The following BICRAL variants were observed in gnomAD, a reference collection of about 807,000 sequenced individuals.
The protein encoded by BICRAL is BICRA like chromatin remodeling complex associated protein.
A neutral mutation model predicts 91.8 loss-of-function variants in BICRAL; 8 were observed. That is an observed-to-expected ratio of 0.09 (90% CI 0.05 to 0.16). BICRAL has a LOEUF of 0.16. Among genes scored for constraint, BICRAL ranks in the 10% least tolerant of loss-of-function variants. The probability of loss-of-function intolerance (pLI) is 1.00; values close to 1 mark genes in which losing one functional copy is unlikely to be tolerated. For missense variants in BICRAL, 1,038 were observed against 1,310.9 expected (o/e 0.79, Z 3.21); for synonymous variants, 445 against 491.1 (o/e 0.91, Z 1.24).
At chr6:42,800,075 G>GT (rs1449590142) in intron 1 of BICRAL, among the ~76,000 whole-genome samples, 1 of 151,364 alleles carries the variant, frequency 6.6e-6, no homozygotes, top group South Asian at 2.1e-4. Context: ...GTTTTGTTTT[G>GT]TTTTTTTAAA....
chr6:42,789,483 T>C (rs1763203894), intron 1 of BICRAL, among the ~76,000 whole-genome samples: 1 of 151,686 alleles, frequency 6.6e-6, no homozygotes, highest in Admixed American at 6.6e-5. Flanking sequence ...CTACTAAAAA[T>C]ACAAAGAAAA....
intron 1 of BICRAL, among the ~76,000 whole-genome samples, chr6:42,784,810 A>G (rs1763054178): frequency 6.6e-6 from 1 of 152,158 alleles, no homozygotes; most frequent in Admixed American, 6.6e-5. Flanking sequence ...GCTAGGGCCA[A>G]CTGGGTCTTT....
intron 1 of BICRAL, among the ~76,000 whole-genome samples, chr6:42,786,639 T>C (rs1393717231): frequency 6.6e-6 from 1 of 152,124 alleles, no homozygotes; most frequent in Non-Finnish European, 1.5e-5. Context: ...AGAAAAAATA[T>C]TAAGTGGCTG....
intron 6 of BICRAL, among the ~76,000 whole-genome samples, chr6:42,831,986 G>A (rs1764497839): frequency 6.6e-6 from 1 of 151,624 alleles, no homozygotes; most frequent in African/African-American, 2.4e-5. Context: ...TGATCTGCCC[G>A]CCTCGACCTC....
Position 42,865,620 on chromosome 6 carries a change from C to T in BICRAL, c.*174C>T. 1.7e-6 allele frequency: 1 copy of T among 585,596 alleles called. No homozygotes were observed. The highest frequency in any genetic ancestry group is 2.2e-5 in the South Asian group (1 of 44,676). 36.3% of individuals were successfully genotyped at this position (585,596 alleles called of 1,614,324 possible). On this transcript the variant is annotated 3_prime_UTR_variant, in exon 13 of 13. Coordinates refer to ENST00000314073, the MANE Select transcript of BICRAL (RefSeq NM_001393499.1). ...CTCAATCCTGTTCTTTGTTTAAGAG[C>T]AATACTTGTCGTGATTACAGGGAGA...
chr6:42,835,604 T>A (rs1764615099), intron 6 of BICRAL, among the ~76,000 whole-genome samples: 1 of 152,176 alleles, frequency 6.6e-6, no homozygotes, highest in African/African-American at 2.4e-5. Context: ...GTTCTGTGTT[T>A]AGCCTAAGTG....
At chr6:42,783,378 G>C (rs1037243937) in intron 1 of BICRAL, among the ~76,000 whole-genome samples, 1 of 152,180 alleles carries the variant, frequency 6.6e-6, no homozygotes, top group Non-Finnish European at 1.5e-5. Flanking sequence ...GTGCGCGCGG[G>C]CGTTATGCTG....
chr6:42,766,835 TC>T (rs1436744003), intron 1 of BICRAL, among the ~76,000 whole-genome samples: 1 of 152,038 alleles, frequency 6.6e-6, no homozygotes, highest in Non-Finnish European at 1.5e-5. Context: ...GGTCAGGAGA[TC>T]GAGACCATCC....
At chr6:42,857,608 A>ATAT (rs1562497913) in intron 10 of BICRAL, among the ~76,000 whole-genome samples, 3 of 108,386 alleles carry the variant, frequency 2.8e-5, no homozygotes, top group African/African-American at 1.9e-4. Context: ...CTTAAAAAAA[A>ATAT]AAAAAAATAT....
intron 5 of BICRAL, among the ~76,000 whole-genome samples, chr6:42,825,259 C>CA (rs398001338): frequency 0.084 from 4,398 of 52,462 alleles, 289 homozygotes; most frequent in East Asian, 0.24. Context: ...GACTCTGTCT[C>CA]AAAAAAAAAA....
chr6:42,824,450 T>G (rs1407522997), intron 5 of BICRAL, among the ~76,000 whole-genome samples: 1 of 152,088 alleles, frequency 6.6e-6, no homozygotes, highest in African/African-American at 2.4e-5. Flanking sequence ...GTTCAAGCAA[T>G]TCTCCTGCCT....
Position 42,868,463 on chromosome 6 carries a change from C to G in BICRAL, c.*3017C>G, listed in dbSNP as rs1222971647. ...ATAAATACTGTTAAAAGAAACCAGT[C>G]AGTAACTATATTGTTAATCCATGGT... On this transcript the variant is annotated 3_prime_UTR_variant, in exon 13 of 13. Coordinates refer to ENST00000314073, the MANE Select transcript of BICRAL (RefSeq NM_001393499.1). 1 of 151,980 alleles carries G rather than the reference C, an allele frequency of 6.6e-6. No homozygotes were observed. Among genetic ancestry groups the G allele is most frequent in the Non-Finnish European group, 1.5e-5 (1 of 67,992 alleles). 9.4% of individuals were successfully genotyped at this position (151,980 alleles called of 1,614,324 possible). A position where few individuals can be genotyped will look rare whatever the true frequency, so the allele number is the denominator to read the frequency against.
At position 42,866,081 on chromosome 6, in the gene BICRAL, A is replaced by T. The variant is rs1765704823; in HGVS notation, c.*635A>T. 1 of 152,444 alleles carries T rather than the reference A, an allele frequency of 6.6e-6. No homozygotes were observed. The highest frequency in any genetic ancestry group is 6.5e-5 in the Admixed American group (1 of 15,290). The allele number at this position is 152,444 out of a possible 1,614,324, so 9.4% of individuals were successfully genotyped here. A position where few individuals can be genotyped will look rare whatever the true frequency, so the allele number is the denominator to read the frequency against. On this transcript the variant is annotated 3_prime_UTR_variant, in exon 13 of 13. Transcript: ENST00000314073. ...AAAGCCAGTAGCACATACGCAGGGC[A>T]TTGCAGGGCTTCCCTATTGATGGTT...
chr6:42,772,520 C>T lies in BICRAL; in HGVS notation c.-260-9319C>T, dbSNP rs373583212. ...ACAGGGTACTAGGAGAGGACTGGCTCGAGATGTGCCTGGGGAGGCAGGTGG... is the reference window on the plus strand; with the variant it reads ...ACAGGGTACTAGGAGAGGACTGGCTTGAGATGTGCCTGGGGAGGCAGGTGG... On this transcript the variant is annotated intron_variant, in intron 1 of 14. Transcript: ENST00000614467. Among the ~76,000 whole-genome samples the T allele has an allele frequency of 3.3e-5, 5 of 152,192 alleles. No homozygotes were observed. In the East Asian group the frequency reaches 5.8e-4, roughly 18 times the overall value.
intron 2 of BICRAL, among the ~76,000 whole-genome samples, chr6:42,814,519 A>ATT (rs70990145): frequency 2.2e-4 from 18 of 80,206 alleles, no homozygotes; most frequent in African/African-American, 7.2e-4. Context: ...ATATATATAT[A>ATT]TTTTTTTTTT....
chr6:42,781,189 G>A (rs114018451), upstream of BICRAL, among the ~76,000 whole-genome samples: 536 of 152,244 alleles, frequency 3.5e-3, 2 homozygotes, highest in African/African-American at 0.012. Context: ...AGGGGGTTAT[G>A]TAATGAAAAT....
At chr6:42,858,457 A>G (rs1434642431) in intron 10 of BICRAL, among the ~76,000 whole-genome samples, 1 of 142,882 alleles carries the variant, frequency 7.0e-6, no homozygotes. Flanking sequence ...CAGAGGTTGC[A>G]GTGAGCGGAC....
At chr6:42,781,017 G>A (rs191013364), upstream of BICRAL, among the ~76,000 whole-genome samples, 32 of 152,100 alleles carry the variant, frequency 2.1e-4, no homozygotes, top group African/African-American at 7.5e-4. Context: ...AATTACAGGC[G>A]TGAGCCACCG....
chr6:42,797,066 G>C (rs1226057076), intron 1 of BICRAL, among the ~76,000 whole-genome samples: 1 of 138,452 alleles, frequency 7.2e-6, no homozygotes, highest in African/African-American at 2.7e-5. Context: ...AAAAAAAAAA[G>C]CTGTTAAGGG....
Sources: gnomAD v4.1 joint callset for allele counts (sites outside exome capture counted in the v4.1 genomes callset) on GRCh38, gnomAD v4.1.1 for gene constraint, MANE v1.5 for transcripts, NCBI Gene and HGNC (gene_info 2026-07-23, HGNC 2026-07-21) for gene names.